CACNA1C: variants seen among roughly 807,000 people sequenced by gnomAD.
CACNA1C encodes calcium voltage-gated channel subunit alpha1 C, also known as voltage-dependent L-type calcium channel subunit alpha-1C.
In CACNA1C, 30 loss-of-function variants were observed where a neutral mutation model predicts 229.0. The ratio of observed to expected loss-of-function variants is 0.13; its 90% CI spans 0.10 to 0.18. The LOEUF (loss-of-function observed/expected upper bound fraction) is 0.18. Among genes scored for constraint, CACNA1C ranks in the 10% least tolerant of loss-of-function variants. CACNA1C has a pLI of 1.00. For synonymous variants in CACNA1C, 1,114 were observed against 1,132.5 expected, an observed-to-expected ratio of 0.98 and a Z score of 0.33; for missense variants, 1,658 against 2,845.0, an observed-to-expected ratio of 0.58 and a Z score of 9.49.
rs574696914 is a variant in CACNA1C at position 2,181,809 on chromosome 12, C to T, written c.477+61379C>T. On this transcript the variant is annotated intron_variant, in intron 3 of 46. Transcript: ENST00000399655. This position sits in a 1 kb window ranked among gnomAD's most constrained non-coding sequence, Gnocchi z 4.0. ...TATAGATGAGAACACTGGAGCTTAG[C>T]GAGGGTAAGTAATGGACTGCAAGGA... Among the ~76,000 whole-genome samples the T allele has an allele frequency of 6.6e-5, 10 of 152,028 alleles. No individual in the cohort carries two copies. Among genetic ancestry groups the T allele is most frequent in the Non-Finnish European group, 1.3e-4 (9 of 67,982 alleles).
At chr12:2,549,182 A>T (rs2099890597) in intron 9 of CACNA1C, among the ~76,000 whole-genome samples, 1 of 152,250 alleles carries the variant, frequency 6.6e-6, no homozygotes, top group Non-Finnish European at 1.5e-5. Context: ...AAGTTGAATT[A>T]AACGGCTTAT....
At chr12:2,351,545 C>T (rs1289568539) in intron 3 of CACNA1C, among the ~76,000 whole-genome samples, 1 of 152,162 alleles carries the variant, frequency 6.6e-6, no homozygotes, top group Non-Finnish European at 1.5e-5. Flanking sequence ...TGTCCTTCCT[C>T]TCCTCAAGGG....
At chr12:2,669,871 GGGCTAGCAGCAGCCT>G (rs2096460976) in intron 38 of CACNA1C, among the ~76,000 whole-genome samples, 2 of 152,318 alleles carry the variant, frequency 1.3e-5, no homozygotes, top group African/African-American at 4.8e-5. Flanking sequence ...GGCACCCTAA[GGGCTAGCAGCAGCCT>G]GAGTGAGATA....
intron 1 of CACNA1C, among the ~76,000 whole-genome samples, chr12:1,981,764 G>T (rs2036202401): frequency 1.3e-5 from 2 of 152,114 alleles, no homozygotes; most frequent in South Asian, 4.1e-4. Context: ...AGCTACACAG[G>T]GGACTCACAA....
rs189118795 is a variant in CACNA1C at position 2,413,130 on chromosome 12, G to A, written c.478-35846G>A. 3.7e-3 allele frequency among the ~76,000 whole-genome samples: 567 copies of A among 152,278 alleles called. 3 individuals are homozygous for A. Among genetic ancestry groups the A allele is most frequent in the African/African-American group, 0.013 (541 of 41,554 alleles). On this transcript the variant is annotated intron_variant, in intron 3 of 46. Transcript: ENST00000399655. ...CCTCCTGGGTTCAAGTGATTCTCCT[G>A]CCTAAACTTCCCACGTACCTGGGAC... is the stretch of plus-strand genomic sequence containing the variant.
intron 3 of CACNA1C, among the ~76,000 whole-genome samples, chr12:2,368,048 C>A (rs1429854903): frequency 2.6e-5 from 4 of 152,096 alleles, no homozygotes; most frequent in Non-Finnish European, 4.4e-5. Flanking sequence ...CTATTCAATG[C>A]TGGGAAATTT....
At chr12:2,349,771 G>C (rs2097153137) in intron 3 of CACNA1C, among the ~76,000 whole-genome samples, 1 of 152,164 alleles carries the variant, frequency 6.6e-6, no homozygotes, top group Non-Finnish European at 1.5e-5. Context: ...TAGGATGGTT[G>C]TATGGGAGGA....
intron 1 of CACNA1C, among the ~76,000 whole-genome samples, chr12:2,104,689 A>G (rs942293982): frequency 6.6e-6 from 1 of 152,184 alleles, no homozygotes; most frequent in East Asian, 1.9e-4. Context: ...CCCATTCCGT[A>G]ATCTCTGCTG....
At position 2,606,658 on chromosome 12, in the gene CACNA1C, A is replaced by T; in HGVS notation, c.3204A>T (p.Glu1068Asp). ...CSDSSKQTEA[E>D]CKGNYITYKD... Reference sequence around the variant, plus strand: ...ACAGTTCCAAGCAGACAGAGGCGGAATGCAAGTGAGTAGAGGTGGGAGGGC... The same window carrying T: ...ACAGTTCCAAGCAGACAGAGGCGGATTGCAAGTGAGTAGAGGTGGGAGGGC... Residue 1068 changes from glutamate (E) to aspartate (D), a missense_variant, in exon 25 of 47, where the codon GAA (glutamate) becomes GAT (aspartate). Transcript: ENST00000399655. 1 of 1,609,110 alleles carries T rather than the reference A, an allele frequency of 6.2e-7. No homozygotes were observed. Among genetic ancestry groups the T allele is most frequent in the African/African-American group, 1.3e-5 (1 of 74,922 alleles).
At chr12:2,055,570 G>A in intron 1 of CACNA1C, among the ~76,000 whole-genome samples, 1 of 152,092 alleles carries the variant, frequency 6.6e-6, no homozygotes, top group East Asian at 1.9e-4. Flanking sequence ...CTGTATGCTG[G>A]GAGCAGACAT....
chr12:2,659,108 C>T (rs909201830), intron 34 of CACNA1C, among the ~76,000 whole-genome samples: 2 of 152,124 alleles, frequency 1.3e-5, no homozygotes, highest in African/African-American at 4.8e-5. Flanking sequence ...CAGTGGTGTA[C>T]GGTAGCGTGC....
chr12:2,381,563 G>A (rs1305909590), intron 3 of CACNA1C, among the ~76,000 whole-genome samples: 1 of 152,212 alleles, frequency 6.6e-6, no homozygotes, highest in Non-Finnish European at 1.5e-5. Flanking sequence ...GCCCTGGGAA[G>A]CCTGGCTCCT....
intron 38 of CACNA1C, among the ~76,000 whole-genome samples, chr12:2,672,909 C>G (rs556210188): frequency 1.3e-3 from 204 of 152,320 alleles, no homozygotes; most frequent in Non-Finnish European, 1.7e-3. Context: ...GGGGACTGAT[C>G]ATCTGTGCAG....
At chr12:2,324,751 TG>T (rs2096208974) in intron 3 of CACNA1C, among the ~76,000 whole-genome samples, 1 of 151,716 alleles carries the variant, frequency 6.6e-6, no homozygotes, top group Non-Finnish European at 1.5e-5. Context: ...CGGGCTTGCT[TG>T]GAAGGGTGGC....
Position 2,648,523 on chromosome 12 carries a change from C to T in CACNA1C, c.3945+16C>T. On this transcript the variant is annotated intron_variant, in intron 31 of 46. Coordinates refer to ENST00000399655, the MANE Select transcript of CACNA1C (RefSeq NM_000719.7). ...TCCCTCTATGGTAAGACCAACCCTCCCGACCATGCTCCCGGCTTCCGTGTC... is the reference window on the plus strand; with the variant it reads ...TCCCTCTATGGTAAGACCAACCCTCTCGACCATGCTCCCGGCTTCCGTGTC... 1 of 1,613,308 alleles carries T rather than the reference C, an allele frequency of 6.2e-7. No homozygotes were observed. Among genetic ancestry groups the T allele is most frequent in the Non-Finnish European group, 8.5e-7 (1 of 1,179,288 alleles).
chr12:2,396,435 G>A (rs932766445), intron 3 of CACNA1C, among the ~76,000 whole-genome samples: 1 of 152,178 alleles, frequency 6.6e-6, no homozygotes, highest in Non-Finnish European at 1.5e-5. Context: ...CTGTGGTTGG[G>A]GGCAGAAAGG....
At chr12:2,573,981 T>G (rs2154594111) in intron 13 of CACNA1C, among the ~76,000 whole-genome samples, 1 of 152,306 alleles carries the variant, frequency 6.6e-6, no homozygotes, top group East Asian at 1.9e-4. Flanking sequence ...TGAGAACACC[T>G]TAGGGAGTAT....
At chr12:2,680,717 G>A in intron 42 of CACNA1C, 1 of 663,916 alleles carries the variant, frequency 1.5e-6, no homozygotes, top group Admixed American at 2.8e-5. Flanking sequence ...CATTTCAAGA[G>A]GGCTGCATGC....
At chr12:2,036,299 A>C (rs1213275607) in intron 1 of CACNA1C, among the ~76,000 whole-genome samples, 1 of 152,214 alleles carries the variant, frequency 6.6e-6, no homozygotes, top group Non-Finnish European at 1.5e-5. Context: ...TGGGCCACTC[A>C]CAGCTGGACC....
Sources: allele counts gnomAD v4.1 joint callset (sites outside exome capture counted in the v4.1 genomes callset), GRCh38; gene constraint gnomAD v4.1.1; non-coding constraint Gnocchi (gnomAD v3.1); transcripts MANE v1.5; gene names NCBI Gene and HGNC (gene_info 2026-07-23, HGNC 2026-07-21).